The following GRM7 variants were observed in gnomAD, a reference collection of about 807,000 sequenced individuals.
GRM7 encodes the protein glutamate metabotropic receptor 7.
In GRM7, 35 loss-of-function variants were observed where a neutral mutation model predicts 84.5. That is an observed-to-expected ratio of 0.41 (90% CI 0.32 to 0.55). The LOEUF is 0.55. Among genes scored for constraint, GRM7 ranks in the 20% least tolerant of loss-of-function variants. The probability of loss-of-function intolerance (pLI) is 0.19; values close to 1 mark genes in which losing one functional copy is unlikely to be tolerated. For synonymous variants in GRM7, 487 were observed against 455.1 expected (o/e 1.07, Z -0.89); for missense variants, 1,003 against 1,194.6 (o/e 0.84, Z 2.36).
intron 1 of GRM7, among the ~76,000 whole-genome samples, chr3:6,908,498 G>A (rs1229979761): frequency 6.6e-6 from 1 of 152,134 alleles, no homozygotes; most frequent in African/African-American, 2.4e-5. Flanking sequence ...GTTCAGAGAG[G>A]CTACATGACT....
intron 9 of GRM7, among the ~76,000 whole-genome samples, chr3:7,703,454 T>A (rs935966000): frequency 6.7e-6 from 1 of 149,800 alleles, no homozygotes; most frequent in Non-Finnish European, 1.5e-5. Context: ...TTTTTTTTAA[T>A]CTGGTGGATG....
At chr3:7,565,325 G>C (rs1484348357) in intron 7 of GRM7, among the ~76,000 whole-genome samples, 1 of 152,166 alleles carries the variant, frequency 6.6e-6, no homozygotes, top group Non-Finnish European at 1.5e-5. Context: ...GGACAAAGAG[G>C]ATGGAGGCTG....
intron 8 of GRM7, among the ~76,000 whole-genome samples, chr3:7,662,487 A>AT (rs1699510869): frequency 1.3e-5 from 2 of 152,174 alleles, no homozygotes; most frequent in African/African-American, 4.8e-5. Flanking sequence ...CCTTGATTGT[A>AT]TTTTGGATTG....
intron 8 of GRM7, among the ~76,000 whole-genome samples, chr3:7,673,322 T>C (rs1235545285): frequency 2.0e-5 from 3 of 152,212 alleles, no homozygotes; most frequent in Non-Finnish European, 4.4e-5. Context: ...AGTGTCGAAC[T>C]TTCTGATTCA....
intron 4 of GRM7, among the ~76,000 whole-genome samples, chr3:7,346,508 G>T (rs567066697): frequency 6.6e-6 from 1 of 152,102 alleles, no homozygotes; most frequent in African/African-American, 2.4e-5. Context: ...TTTCCCTTGT[G>T]AGAAGAATCA....
intron 2 of GRM7, among the ~76,000 whole-genome samples, chr3:7,220,247 ACTTTACAGTGGAGAAAC>A (rs1689660830): frequency 6.6e-6 from 1 of 152,194 alleles, no homozygotes; most frequent in Admixed American, 6.5e-5. Flanking sequence ...GGATGAAGTA[ACTTTACAGTGGAGAAAC>A]CTGACAAACA....
intron 1 of GRM7, among the ~76,000 whole-genome samples, chr3:6,879,788 G>A (rs1028987808): frequency 6.6e-6 from 1 of 152,142 alleles, no homozygotes; most frequent in African/African-American, 2.4e-5. Context: ...AATAGAACCT[G>A]AATAAGAGTT....
chr3:7,017,550 G>C (rs2124906150), intron 1 of GRM7, among the ~76,000 whole-genome samples: 1 of 152,236 alleles, frequency 6.6e-6, no homozygotes, highest in South Asian at 2.1e-4. Flanking sequence ...GTAATGCTGT[G>C]GCCATCATTT....
At chr3:7,186,677 C>G (rs1048177506) in intron 2 of GRM7, among the ~76,000 whole-genome samples, 8 of 152,288 alleles carry the variant, frequency 5.3e-5, no homozygotes, top group East Asian at 3.9e-4. Context: ...TCATGTAGCT[C>G]TAAAACACAT....
In GRM7 at chr3:7,487,757, C is replaced by G. The variant is rs141161766; in HGVS notation, c.1515+26035C>G. On this transcript the variant is annotated intron_variant, in intron 7 of 9. Coordinates refer to ENST00000357716, the MANE Select transcript of GRM7 (RefSeq NM_000844.4). ...TGGGGGCCCAGGCAGAGACTTGTGG[C>G]TGGGGCAGAGCCACCCCAGAGAGCC... is the stretch of plus-strand genomic sequence containing the variant. 7.9e-5 allele frequency among the ~76,000 whole-genome samples: 12 copies of G among 152,326 alleles called. No homozygotes were observed. The East Asian group carries it at 2.3e-3, about 29-fold the overall frequency.
intron 8 of GRM7, among the ~76,000 whole-genome samples, chr3:7,650,401 GC>G (rs1183631954): frequency 1.3e-5 from 2 of 152,168 alleles, no homozygotes; most frequent in Non-Finnish European, 2.9e-5. Flanking sequence ...CTGTGTATAA[GC>G]CACTGTGTAC....
chr3:7,564,422 T>C (rs888777906), intron 7 of GRM7, among the ~76,000 whole-genome samples: 2 of 152,160 alleles, frequency 1.3e-5, no homozygotes, highest in African/African-American at 4.8e-5. Flanking sequence ...CCAATGCTCA[T>C]GTTATTATCT....
chr3:7,083,730 G>A (rs1438958253), intron 1 of GRM7, among the ~76,000 whole-genome samples: 3 of 152,088 alleles, frequency 2.0e-5, no homozygotes, highest in African/African-American at 7.2e-5. Flanking sequence ...TTCATAGGAG[G>A]ACACAAGCAA....
At chr3:7,331,248 C>T (rs1414063919) in intron 4 of GRM7, among the ~76,000 whole-genome samples, 2 of 152,158 alleles carry the variant, frequency 1.3e-5, no homozygotes, top group South Asian at 4.2e-4. Flanking sequence ...AGGCTTATGG[C>T]CAAATCTCAA....
intron 2 of GRM7, among the ~76,000 whole-genome samples, chr3:7,276,560 G>A (rs888755576): frequency 2.6e-5 from 4 of 151,610 alleles, no homozygotes; most frequent in African/African-American, 7.3e-5. Context: ...TGAAAATGGC[G>A]GTGGTGTCGA....
At chr3:7,478,993 A>G (rs1244056494) in intron 7 of GRM7, among the ~76,000 whole-genome samples, 5 of 152,126 alleles carry the variant, frequency 3.3e-5, no homozygotes, top group African/African-American at 1.2e-4. Flanking sequence ...TAGTACAGAG[A>G]TGGAAAGAGT....
At chr3:7,573,021 A>G (rs965179866) in intron 7 of GRM7, among the ~76,000 whole-genome samples, 2 of 150,876 alleles carry the variant, frequency 1.3e-5, no homozygotes, top group Admixed American at 6.6e-5. Context: ...TTCGCTGTCT[A>G]GTCATGCTAC....
chr3:6,940,860 T>C (rs1195903427), intron 1 of GRM7, among the ~76,000 whole-genome samples: 1 of 152,224 alleles, frequency 6.6e-6, no homozygotes, highest in Non-Finnish European at 1.5e-5. Flanking sequence ...CCCTGCAATA[T>C]GAGTTTTCCT....
chr3:7,399,337 C>G (rs894168225), intron 4 of GRM7, among the ~76,000 whole-genome samples: 16 of 152,106 alleles, frequency 1.1e-4, no homozygotes, highest in Admixed American at 3.3e-4. Context: ...GTAAAACTTT[C>G]AACTAGACTG....
Sources: allele counts gnomAD v4.1 joint callset (sites outside exome capture counted in the v4.1 genomes callset), GRCh38; gene constraint gnomAD v4.1.1; transcripts MANE v1.5; gene names NCBI Gene and HGNC (gene_info 2026-07-23, HGNC 2026-07-21).